XYLB: variants seen among roughly 807,000 people sequenced by gnomAD.
XYLB encodes xylulokinase.
A neutral mutation model predicts 78.7 loss-of-function variants in XYLB; 62 were observed. The observed-to-expected ratio is 0.79, with a 90% CI of 0.64 to 0.97. XYLB has a LOEUF of 0.97. Among genes scored for constraint, XYLB ranks in the 50% least tolerant of loss-of-function variants. The pLI, the probability that XYLB is intolerant of heterozygous loss-of-function variation, is 0.00. For synonymous variants in XYLB, 245 were observed against 247.4 expected (o/e 0.99, Z 0.09); for missense variants, 687 against 676.8 (o/e 1.02, Z -0.17).
chr3:38,358,864 G>A (rs1474157487), intron 2 of XYLB, among the ~76,000 whole-genome samples: 2 of 152,050 alleles, frequency 1.3e-5, no homozygotes, highest in African/African-American at 4.8e-5. Context: ...ATAATTAAAG[G>A]TACTTTGCCA....
In XYLB at chr3:38,397,098, G is replaced by A. The variant is rs369875367; in HGVS notation, c.1377G>A (p.Pro459=). 5.2e-5 allele frequency: 84 copies of A among 1,614,020 alleles called. No individual in the cohort carries two copies. The African/African-American group carries it at 6.5e-4, about 13-fold the overall frequency. ...TGCTTGCAGATGTGTTTGATGCCCC[G>A]GTGTATGTTATAGACACTGCCAACT... The part of the protein sequence containing the change: ...LQVLADVFDA[P]VYVIDTANSA... The change falls in exon 17 of 19, where the codon CCG becomes CCA. Residue 459 remains proline, a synonymous_variant. Transcript: ENST00000207870.
the XYLB span, among the ~76,000 whole-genome samples, chr3:38,450,815 T>C: frequency 6.6e-6 from 1 of 152,220 alleles, no homozygotes; most frequent in East Asian, 1.9e-4. Context: ...TAAGCTCCCT[T>C]CTGGTTCACT....
downstream of XYLB, among the ~76,000 whole-genome samples, chr3:38,425,203 CAG>C (rs529529293): frequency 2.6e-5 from 4 of 152,326 alleles, no homozygotes; most frequent in African/African-American, 4.8e-5. Flanking sequence ...ACATGCTAAA[CAG>C]GGGAATCTTC....
the XYLB span, among the ~76,000 whole-genome samples, chr3:38,440,206 C>T: frequency 6.6e-6 from 1 of 152,162 alleles, no homozygotes; most frequent in Non-Finnish European, 1.5e-5. Flanking sequence ...TAGGATAATA[C>T]ATGTTACACT....
At chr3:38,362,249 T>TTTTG (rs1706013861) in intron 3 of XYLB, among the ~76,000 whole-genome samples, 1 of 152,198 alleles carries the variant, frequency 6.6e-6, no homozygotes, top group Non-Finnish European at 1.5e-5. Flanking sequence ...CTTACTTTGT[T>TTTTG]AGTTTTTGAG....
intron 2 of XYLB, among the ~76,000 whole-genome samples, chr3:38,352,442 T>C (rs1280127281): frequency 6.6e-6 from 1 of 152,130 alleles, no homozygotes; most frequent in Non-Finnish European, 1.5e-5. Context: ...GATCAGTGAG[T>C]ATAGTATGCT....
intron 14 of XYLB, among the ~76,000 whole-genome samples, chr3:38,378,443 T>C (rs1415611895): frequency 2.0e-5 from 3 of 152,142 alleles, no homozygotes; most frequent in African/African-American, 4.8e-5. Flanking sequence ...ATGCAGCAGG[T>C]GCTAAGGCTA....
At chr3:38,438,612 C>A in the XYLB span, among the ~76,000 whole-genome samples, 1 of 152,314 alleles carries the variant, frequency 6.6e-6, no homozygotes, top group African/African-American at 2.4e-5. Context: ...AATGAAGCTG[C>A]GGACCTTTGT....
intron 5 of XYLB, among the ~76,000 whole-genome samples, 155 bp from the exon 6 acceptor site, chr3:38,365,453 T>A (rs555618433): frequency 4.7e-4 from 72 of 152,344 alleles, no homozygotes; most frequent in African/African-American, 1.3e-3. Flanking sequence ...CAGTTCTAAG[T>A]TACAGCACAA....
At chr3:38,398,041 A>G (rs1263492225) in intron 17 of XYLB, among the ~76,000 whole-genome samples, 1 of 151,222 alleles carries the variant, frequency 6.6e-6, no homozygotes, top group African/African-American at 2.4e-5. Context: ...GATGGTCTCG[A>G]TCTCCTGACT....
Position 38,365,767 on chromosome 3 carries a change from T to C in XYLB, c.507+31T>C, listed in dbSNP as rs1430681854. 5 of 1,591,330 alleles carry C rather than the reference T, an allele frequency of 3.1e-6. No homozygotes were observed. In the South Asian group the frequency reaches 5.6e-5, roughly 18 times the overall value. The stretch of plus-strand genomic sequence containing the variant: ...CTGAGGATGCGGGGGGTGCAGGGGG[T>C]GGTCTGGTTGCAAGCTCCGGAGGCA... On this transcript the variant is annotated intron_variant, in intron 6 of 18. Coordinates refer to ENST00000207870, the MANE Select transcript of XYLB (RefSeq NM_005108.4).
rs904920124 is a variant in XYLB, at chr3:38,385,684, A to G, written c.1291+6342A>G. On this transcript the variant is annotated intron_variant, in intron 15 of 18. Coordinates refer to ENST00000207870, the MANE Select transcript of XYLB (RefSeq NM_005108.4). ...TCGTCCTTTTGACATATCTTCCATC[A>G]TTCCTTGAGCATTTCCATAGCTTCT... 3.9e-5 allele frequency among the ~76,000 whole-genome samples: 6 copies of G among 152,278 alleles called. No homozygotes were observed. In the South Asian group the frequency reaches 1.2e-3, roughly 32 times the overall value.
intron 9 of XYLB, among the ~76,000 whole-genome samples, chr3:38,370,825 G>A (rs1286717155): frequency 1.3e-5 from 2 of 152,184 alleles, no homozygotes; most frequent in Non-Finnish European, 2.9e-5. Context: ...TGAATGCCCT[G>A]GGGTGTTCTA....
chr3:38,432,563 C>CA, the XYLB span, among the ~76,000 whole-genome samples: 758 of 147,970 alleles, frequency 5.1e-3, 9 homozygotes, highest in African/African-American at 0.016. Flanking sequence ...TAGACTCCGT[C>CA]AAAAAAAAAA....
At chr3:38,416,662 A>G (rs1356663406), downstream of XYLB, among the ~76,000 whole-genome samples, 1 of 152,230 alleles carries the variant, frequency 6.6e-6, no homozygotes, top group African/African-American at 2.4e-5. Context: ...TAGGACCACA[A>G]AAGGCAAAGA....
intron 15 of XYLB, among the ~76,000 whole-genome samples, chr3:38,380,228 G>A (rs558230383): frequency 2.7e-4 from 41 of 152,282 alleles, no homozygotes; most frequent in African/African-American, 9.6e-4. Context: ...TTTTGGAGGG[G>A]ACACATATTC....
intron 12 of XYLB, among the ~76,000 whole-genome samples, chr3:38,375,559 T>C (rs183111678): frequency 9.8e-5 from 15 of 152,308 alleles, no homozygotes; most frequent in Middle Eastern, 3.4e-3. Context: ...AGCCACACTT[T>C]CCTCATGAGA....
At chr3:38,377,094 C>A in intron 14 of XYLB, 103 bp downstream of exon 14, 1 of 1,021,412 alleles carries the variant, frequency 9.8e-7, no homozygotes, top group Non-Finnish European at 1.5e-6. Flanking sequence ...TTCATTCATT[C>A]ACTCATCCAT....
chr3:38,412,869 C>A, intron 18 of XYLB, 67 bp from the exon 19 acceptor site: 1 of 1,384,568 alleles, frequency 7.2e-7, no homozygotes, highest in South Asian at 1.4e-5. Flanking sequence ...TTTTAAATTG[C>A]AAAGTGCAAC....
Sources: allele counts gnomAD v4.1 joint callset (sites outside exome capture counted in the v4.1 genomes callset), GRCh38; gene constraint gnomAD v4.1.1; transcripts MANE v1.5; gene names NCBI Gene and HGNC (gene_info 2026-07-23, HGNC 2026-07-21).